Variants in CCDC30 observed in about 807,000 individuals in gnomAD.
CCDC30 encodes coiled-coil domain containing 30, also known as coiled-coil domain-containing protein 30.
CCDC30 carries 70 observed loss-of-function variants against 100.2 expected under a neutral mutation model. The ratio of observed to expected loss-of-function variants is 0.70; its 90% confidence interval spans 0.58 to 0.85. The LOEUF is 0.85. CCDC30 is among the 40% of genes least tolerant of loss of function. CCDC30 has a pLI of 0.00. For synonymous variants in CCDC30, 233 were observed against 269.5 expected, an observed-to-expected ratio of 0.86 and a Z score of 1.33; for missense variants, 652 against 771.2, an observed-to-expected ratio of 0.85 and a Z score of 1.83.
At chr1:42,643,471 C>G (rs1437414196) in intron 13 of CCDC30, among the ~76,000 whole-genome samples, 1 of 152,164 alleles carries the variant, frequency 6.6e-6, no homozygotes, top group Non-Finnish European at 1.5e-5. Context: ...TCTGTGTCTC[C>G]CCTTTTAGAT....
At chr1:42,634,461 G>A (rs1647110077) in intron 11 of CCDC30, among the ~76,000 whole-genome samples, 1 of 152,070 alleles carries the variant, frequency 6.6e-6, no homozygotes, top group Non-Finnish European at 1.5e-5. Flanking sequence ...TGTGAACAAT[G>A]CAGAGGTTTG....
intron 9 of CCDC30, among the ~76,000 whole-genome samples, chr1:42,587,850 A>G (rs1646106919): frequency 6.6e-6 from 1 of 152,182 alleles, no homozygotes; most frequent in African/African-American, 2.4e-5. Flanking sequence ...ACTTTATTCT[A>G]TTACTGAAAT....
chr1:42,587,845 A>C (rs1250329507), intron 9 of CCDC30, among the ~76,000 whole-genome samples: 8 of 152,180 alleles, frequency 5.3e-5, no homozygotes. Context: ...CACAAACTTT[A>C]TTCTATTACT....
chr1:42,579,163 G>A (rs1198661335), intron 8 of CCDC30, among the ~76,000 whole-genome samples: 1 of 151,906 alleles, frequency 6.6e-6, no homozygotes, highest in Non-Finnish European at 1.5e-5. Flanking sequence ...GCTAATTTTT[G>A]TACTTTTTAG....
intron 6 of CCDC30, among the ~76,000 whole-genome samples, chr1:42,522,849 A>G (rs1200266918): frequency 6.6e-6 from 1 of 152,166 alleles, no homozygotes; most frequent in Non-Finnish European, 1.5e-5. Flanking sequence ...CAAAAAGTGG[A>G]GTTACAAACC....
chr1:42,513,270 A>G (rs4518945), intron 6 of CCDC30, among the ~76,000 whole-genome samples: 128,448 of 152,258 alleles, frequency 0.84, 54,255 homozygotes, highest in South Asian at 0.88. Flanking sequence ...GGAAAAGCTG[A>G]CCTGCAGCAG....
At chr1:42,566,200 C>A in intron 6 of CCDC30, 96 bp from the exon 11 acceptor site, 2 of 900,874 alleles carry the variant, frequency 2.2e-6, no homozygotes, top group Non-Finnish European at 1.7e-6. Context: ...TGTGAATAAT[C>A]ACATTCTGAC....
chr1:42,618,535 T>C (rs891526843), intron 11 of CCDC30, among the ~76,000 whole-genome samples: 2 of 152,132 alleles, frequency 1.3e-5, no homozygotes, highest in Admixed American at 6.6e-5. Flanking sequence ...CATGCCTGGC[T>C]GAAAACCAGT....
At chr1:42,473,764 G>A (rs1285109099) in intron 1 of CCDC30, among the ~76,000 whole-genome samples, 2 of 152,170 alleles carry the variant, frequency 1.3e-5, no homozygotes, top group East Asian at 3.8e-4. Flanking sequence ...TGTATTTTTG[G>A]TGGCTGATGT....
In CCDC30 at chr1:42,466,352, C is replaced by T. The variant is rs541990651; in HGVS notation, c.-92+2454C>T. Among the ~76,000 whole-genome samples, 88 of 152,320 alleles carry T rather than the reference C, an allele frequency of 5.8e-4. No homozygotes were observed. In the South Asian group the frequency reaches 1.0e-2, roughly 17 times the overall value. On this transcript the variant is annotated intron_variant, in intron 1 of 16. Coordinates refer to ENST00000668663, the Ensembl canonical transcript of CCDC30. Reference sequence around the variant, plus strand: ...GGAGAAAAAACAAGGAGACTGCACCCATTCTCCTTGTCCTCTTCTCGTTTA... The same window carrying T: ...GGAGAAAAAACAAGGAGACTGCACCTATTCTCCTTGTCCTCTTCTCGTTTA...
At chr1:42,524,594 A>G (rs548557812) in intron 6 of CCDC30, among the ~76,000 whole-genome samples, 1 of 152,286 alleles carries the variant, frequency 6.6e-6, no homozygotes, top group South Asian at 2.1e-4. Flanking sequence ...ACCCATCAGA[A>G]CACAAATCCC....
intron 1 of CCDC30, among the ~76,000 whole-genome samples, chr1:42,470,412 C>CA (rs906386800): frequency 2.0e-5 from 3 of 149,216 alleles, no homozygotes; most frequent in Non-Finnish European, 3.0e-5. Context: ...GACAGTTCCT[C>CA]AAAAAAAAAG....
At chr1:42,510,527 C>T (rs1644461163) in intron 6 of CCDC30, among the ~76,000 whole-genome samples, 1 of 151,970 alleles carries the variant, frequency 6.6e-6, no homozygotes. Flanking sequence ...TGTGGTGGCA[C>T]ACGCCTGTGG....
rs527527351 is a variant in CCDC30 at position 42,619,500 on chromosome 1, A to G, written c.1277+8410A>G. Among the ~76,000 whole-genome samples, 3 of 152,268 alleles carry G rather than the reference A, an allele frequency of 2.0e-5. No homozygotes were observed. The East Asian group carries it at 5.8e-4, about 29-fold the overall frequency. ...AGAAAGATTACCCCAGTCTCCAATG[A>G]GGTATAGAAGCTTATACACCATCTT... On this transcript the variant is annotated intron_variant, in intron 11 of 16. Transcript: ENST00000668663.
intron 6 of CCDC30, among the ~76,000 whole-genome samples, chr1:42,544,526 T>C (rs764814879): frequency 6.6e-6 from 1 of 152,204 alleles, no homozygotes; most frequent in Non-Finnish European, 1.5e-5. Context: ...TTTTTATTTT[T>C]ATTTTTGAGA....
chr1:42,460,963 A>G (rs2148423265), upstream of CCDC30, among the ~76,000 whole-genome samples: 1 of 152,362 alleles, frequency 6.6e-6, no homozygotes, highest in African/African-American at 2.4e-5. Flanking sequence ...GAATCTTTGA[A>G]AAACTTTCAA....
intron 6 of CCDC30, among the ~76,000 whole-genome samples, chr1:42,509,776 C>CT (rs1438235598): frequency 1.3e-5 from 2 of 152,222 alleles, no homozygotes; most frequent in African/African-American, 4.8e-5. Flanking sequence ...CACAAATCCT[C>CT]TTTCATTAAT....
intron 16 of CCDC30, 114 bp from the exon 21 acceptor site, chr1:42,653,704 T>G (rs1265865168): frequency 2.7e-6 from 2 of 736,412 alleles, no homozygotes; most frequent in Non-Finnish European, 4.5e-6. Context: ...TTTATTTGGC[T>G]TTGTGTAACA....
At chr1:42,558,183 G>A (rs1557853107) in intron 6 of CCDC30, 1 of 248,458 alleles carries the variant, frequency 4.0e-6, no homozygotes, top group African/African-American at 2.3e-5. Flanking sequence ...TACTGTTCTG[G>A]TTTTTCCATC....
Sources: allele counts gnomAD v4.1 joint callset (sites outside exome capture counted in the v4.1 genomes callset), GRCh38; gene constraint gnomAD v4.1.1; transcripts MANE v1.5; gene names NCBI Gene and HGNC (gene_info 2026-07-23, HGNC 2026-07-21).